Variants in ZFHX3 observed in about 807,000 individuals in gnomAD.
ZFHX3 encodes zinc finger homeobox 3.
In ZFHX3, 42 loss-of-function variants were observed where a neutral mutation model predicts 279.1. The observed-to-expected ratio is 0.15, with a 90% CI of 0.12 to 0.19. The LOEUF (loss-of-function observed/expected upper bound fraction) is 0.19. Ranked by LOEUF, ZFHX3 falls within the 10% of genes least tolerant of loss-of-function variation. The pLI, the probability that ZFHX3 is intolerant of heterozygous loss-of-function variation, is 1.00. For missense variants in ZFHX3, 4,981 were observed against 4,754.0 expected (o/e 1.05, Z -1.40); for synonymous variants, 2,293 against 1,957.8 (o/e 1.17, Z -4.52).
At chr16:73,277,588 T>C (rs2014333038) in intron 4 of ZFHX3, among the ~76,000 whole-genome samples, 1 of 152,216 alleles carries the variant, frequency 6.6e-6, no homozygotes, top group African/African-American at 2.4e-5. Flanking sequence ...AATGCAAGCA[T>C]TTCTGTCTGT....
At chr16:73,287,858 CAG>C (rs1306392700) in intron 4 of ZFHX3, among the ~76,000 whole-genome samples, 22 of 82,266 alleles carry the variant, frequency 2.7e-4, no homozygotes, top group East Asian at 6.4e-4. Flanking sequence ...CTGTGTGGGT[CAG>C]TGTGTGGATG....
At chr16:73,592,943 T>C (rs559871511) in intron 2 of ZFHX3, among the ~76,000 whole-genome samples, 81 of 151,848 alleles carry the variant, frequency 5.3e-4, no homozygotes, top group Non-Finnish European at 9.7e-4. Flanking sequence ...AGAATGAAAA[T>C]GACTTACAGA....
intron 1 of ZFHX3, among the ~76,000 whole-genome samples, chr16:73,028,923 G>C (rs912398330): frequency 2.0e-5 from 3 of 152,162 alleles, no homozygotes; most frequent in South Asian, 2.1e-4. Context: ...CTTCAGCCTC[G>C]ACAGGTGTGA....
intron 1 of ZFHX3, among the ~76,000 whole-genome samples, chr16:73,037,389 C>G (rs543171629): frequency 6.6e-6 from 1 of 152,304 alleles, no homozygotes; most frequent in Admixed American, 6.5e-5. Flanking sequence ...TAAGATCCCA[C>G]TGCTCATCTG....
chr16:73,435,565 G>C (rs2017983071), intron 3 of ZFHX3, among the ~76,000 whole-genome samples: 1 of 152,064 alleles, frequency 6.6e-6, no homozygotes, highest in Non-Finnish European at 1.5e-5. Flanking sequence ...TGTGTCCTTA[G>C]ATGCCATTAG....
intron 4 of ZFHX3, among the ~76,000 whole-genome samples, chr16:72,852,014 C>A (rs2037631650): frequency 6.6e-6 from 1 of 152,170 alleles, no homozygotes; most frequent in Admixed American, 6.5e-5. Flanking sequence ...ATGGAAGACT[C>A]TTCTGGGATT....
rs556964888 is a variant in ZFHX3 at position 73,321,613 on chromosome 16, G to C, written c.-1290-3277C>G. 1.6e-4 allele frequency among the ~76,000 whole-genome samples: 24 copies of C among 152,298 alleles called. No individual in the cohort carries two copies. The South Asian group carries it at 4.4e-3, about 28-fold the overall frequency. ...AACGGCTATTCACCTATTTTGGAAGGGTCCAGAATAGGATGCAGCTTGGAC... is the reference window on the plus strand; with the variant it reads ...AACGGCTATTCACCTATTTTGGAAGCGTCCAGAATAGGATGCAGCTTGGAC... On this transcript the variant is annotated intron_variant, in intron 3 of 17. Transcript: ENST00000641206.
intron 5 of ZFHX3, among the ~76,000 whole-genome samples, chr16:73,175,340 A>C (rs887809726): frequency 6.6e-6 from 1 of 152,152 alleles, no homozygotes; most frequent in Non-Finnish European, 1.5e-5. Context: ...AGATTGCACC[A>C]CTGCACTCTA....
chr16:72,814,064 G>A (rs1305341034), intron 5 of ZFHX3, among the ~76,000 whole-genome samples: 2 of 152,106 alleles, frequency 1.3e-5, no homozygotes, highest in Admixed American at 6.5e-5. Context: ...TCAAGATGGG[G>A]TGGGTGAGGG....
intron 1 of ZFHX3, among the ~76,000 whole-genome samples, chr16:73,824,684 G>C (rs1182261554): frequency 1.1e-5 from 1 of 91,022 alleles, no homozygotes; most frequent in Non-Finnish European, 2.1e-5. Flanking sequence ...AGTTTACTGA[G>C]AATGATGGTT....
intron 2 of ZFHX3, among the ~76,000 whole-genome samples, chr16:73,478,224 C>T (rs536629572): frequency 3.2e-4 from 48 of 149,668 alleles, no homozygotes; most frequent in Non-Finnish European, 6.2e-4. Context: ...CGAGATTGCG[C>T]CACTGCACTC....
At chr16:73,739,752 C>T (rs899661554) in intron 1 of ZFHX3, among the ~76,000 whole-genome samples, 2 of 152,212 alleles carry the variant, frequency 1.3e-5, no homozygotes, top group Non-Finnish European at 2.9e-5. Context: ...CTCACTGGGT[C>T]CACTGCTGGT....
chr16:73,229,182 C>A (rs1027214702), intron 5 of ZFHX3, among the ~76,000 whole-genome samples: 1 of 152,144 alleles, frequency 6.6e-6, no homozygotes, highest in African/African-American at 2.4e-5. Flanking sequence ...AAAGCCCAAC[C>A]AAGCTCCCCA....
At chr16:73,281,628 A>G (rs969278251) in intron 4 of ZFHX3, among the ~76,000 whole-genome samples, 1 of 152,228 alleles carries the variant, frequency 6.6e-6, no homozygotes, top group African/African-American at 2.4e-5. Context: ...GATCTTAACA[A>G]AACAAACAAC....
Position 72,787,410 on chromosome 16 carries a change from G to C in ZFHX3, c.10866C>G (p.Ser3622=). Residue 3622 remains serine (S), a synonymous_variant, in exon 10 of 10, where the codon TCC becomes TCG. Transcript: ENST00000268489. ...AAGGGGGCTTCGCTGCCGAAGCCCG[G>C]GAGACCACTTGCGGCCAAGACTTCC... The part of the protein sequence containing the change: ...ASRKSWPQVV[S]RASAAKPPSF... 6.2e-7 allele frequency: 1 copy of C among 1,603,788 alleles called. No homozygotes were observed. The highest frequency in any genetic ancestry group is 1.7e-5 in the Admixed American group (1 of 59,346).
chr16:73,205,660 G>A (rs1242940524), intron 5 of ZFHX3, among the ~76,000 whole-genome samples: 1 of 152,180 alleles, frequency 6.6e-6, no homozygotes, highest in Non-Finnish European at 1.5e-5. Context: ...GTGCGTGAAT[G>A]AAGCAGCTTT....
chr16:73,076,911 G>A (rs920287727), intron 8 of ZFHX3, among the ~76,000 whole-genome samples: 1 of 145,730 alleles, frequency 6.9e-6, no homozygotes, highest in Non-Finnish European at 1.5e-5. Flanking sequence ...ACACACACAC[G>A]ACTGATCTTC....
rs146132089 is a variant in ZFHX3, at chr16:73,764,756, T to C, written c.-1607-84516A>G. ...AAACAGTAGACAGCCTTTGTAATAC[T>C]GCCACGTAGACACAAACCAGTGACT... On this transcript the variant is annotated intron_variant, in intron 1 of 17. Coordinates refer to the ZFHX3 transcript ENST00000641206. 1.1e-3 allele frequency among the ~76,000 whole-genome samples: 164 copies of C among 152,318 alleles called. 3 individuals carry two copies. The East Asian group carries it at 0.029, about 27-fold the overall frequency.
chr16:73,310,112 T>C (rs2015291135), intron 4 of ZFHX3, among the ~76,000 whole-genome samples: 1 of 152,036 alleles, frequency 6.6e-6, no homozygotes, highest in South Asian at 2.1e-4. Context: ...TTTCACCATA[T>C]TGGCCACACT....
Sources: gnomAD v4.1 joint callset for allele counts (sites outside exome capture counted in the v4.1 genomes callset) on GRCh38, gnomAD v4.1.1 for gene constraint, MANE v1.5 for transcripts, NCBI Gene and HGNC (gene_info 2026-07-23, HGNC 2026-07-21) for gene names.